The following PPME1 variants were observed in gnomAD, a reference collection of about 807,000 sequenced individuals.
PPME1 encodes testicular secretory protein Li 39.
A neutral mutation model predicts 56.9 loss-of-function variants in PPME1; 17 were observed. That is an observed-to-expected ratio of 0.30 (90% confidence interval 0.20 to 0.45). The LOEUF is 0.45. Ranked by LOEUF, PPME1 falls within the 20% of genes least tolerant of loss-of-function variation. PPME1 has a pLI of 1.00. For missense variants in PPME1, 357 were observed against 483.2 expected (o/e 0.74, Z 2.45); for synonymous variants, 122 against 156.2 (o/e 0.78, Z 1.63).
chr11:74,253,614 T>G lies in PPME1; in HGVS notation c.*104T>G. 7.8e-7 allele frequency: 1 copy of G among 1,280,262 alleles called. No individual in the cohort carries two copies. 79.3% of individuals were successfully genotyped at this position (1,280,262 alleles called of 1,614,324 possible). On this transcript the variant is annotated 3_prime_UTR_variant, in exon 14 of 14. Coordinates refer to ENST00000328257, the MANE Select transcript of PPME1 (RefSeq NM_016147.3). The stretch of plus-strand genomic sequence containing the variant: ...CTCCTCTCCATCCCGCCCAGCCATG[T>G]GACACTGGCTCCCGGTAGACGGGCA...
chr11:74,222,181 AC>A lies in PPME1; in HGVS notation c.289-130del. ...TCATCATTCTTTCATTTTGCTTAAAACTAGAAAGTCTTTTGATTCTCTTGGG... is the reference window on the plus strand; with the variant it reads ...TCATCATTCTTTCATTTTGCTTAAAATAGAAAGTCTTTTGATTCTCTTGGG... On this transcript the variant is annotated intron_variant, in intron 3 of 13. Coordinates refer to ENST00000328257, the MANE Select transcript of PPME1 (RefSeq NM_016147.3). 3 of 692,252 alleles carry A rather than the reference AC, an allele frequency of 4.3e-6. 1 individual carries two copies. Among genetic ancestry groups the A allele is most frequent in the South Asian group, 1.9e-5 (1 of 52,288 alleles). 42.9% of individuals were successfully genotyped at this position (692,252 alleles called of 1,614,324 possible).
chr11:74,195,543 C>T (rs373981336), intron 1 of PPME1, among the ~76,000 whole-genome samples: 8 of 152,118 alleles, frequency 5.3e-5, no homozygotes, highest in Non-Finnish European at 1.0e-4. Context: ...TTATTCTTTG[C>T]TTTTATAGAC....
intron 11 of PPME1, chr11:74,250,553 C>G (rs1284468685): frequency 6.2e-6 from 1 of 162,286 alleles, no homozygotes; most frequent in Non-Finnish European, 1.3e-5. Flanking sequence ...CTTCCTGGTT[C>G]CCTCTTGGAT....
At chr11:74,247,238 C>T in intron 11 of PPME1, 115 bp downstream of exon 11, 1 of 872,636 alleles carries the variant, frequency 1.1e-6, no homozygotes, top group Non-Finnish European at 1.8e-6. Context: ...TAGAGTCCGA[C>T]CCAAGTTGGA....
chr11:74,249,652 G>A (rs553110764), intron 11 of PPME1: 2 of 152,290 alleles, frequency 1.3e-5, no homozygotes, highest in East Asian at 3.9e-4. Context: ...GCCCTACCCT[G>A]TGTTAGGTCT....
intron 1 of PPME1, among the ~76,000 whole-genome samples, chr11:74,197,304 A>G (rs1248713385): frequency 1.3e-5 from 2 of 152,256 alleles, no homozygotes; most frequent in Admixed American, 1.3e-4. Context: ...GATATTAGTC[A>G]TTGATGTGTA....
chr11:74,203,849 T>C, intron 2 of PPME1, 28 bp downstream of exon 2: 1 of 1,488,220 alleles, frequency 6.7e-7, no homozygotes, highest in Non-Finnish European at 9.3e-7. Flanking sequence ...GCTTATTCTT[T>C]AGTGAGCTTA....
At position 74,230,002 on chromosome 11, in the gene PPME1, A is replaced by C. The variant is rs896296677; in HGVS notation, c.399-243A>C. On this transcript the variant is annotated intron_variant, in intron 5 of 13. Coordinates refer to ENST00000328257, the MANE Select transcript of PPME1 (RefSeq NM_016147.3). This position sits in a 1 kb window ranked among gnomAD's most constrained non-coding sequence, Gnocchi z 4.9. Reference sequence around the variant, plus strand: ...ACAGTGAAAGTGTGATGTAAAGGAAAATTCAGTAATTTGGGTTCTTAGTCC... The same window carrying C: ...ACAGTGAAAGTGTGATGTAAAGGAACATTCAGTAATTTGGGTTCTTAGTCC... Among the ~76,000 whole-genome samples, 5 of 152,232 alleles carry C rather than the reference A, an allele frequency of 3.3e-5. No individual in the cohort carries two copies. The highest frequency in any genetic ancestry group is 1.2e-4 in the African/African-American group (5 of 41,452).
intron 9 of PPME1, among the ~76,000 whole-genome samples, chr11:74,240,858 G>A (rs1859338716): frequency 6.6e-6 from 1 of 152,176 alleles, no homozygotes; most frequent in Admixed American, 6.5e-5. Context: ...TACCCATTAT[G>A]TGCTAAGCAC....
chr11:74,226,461 G>A (rs1858934423), intron 5 of PPME1, among the ~76,000 whole-genome samples: 1 of 152,212 alleles, frequency 6.6e-6, no homozygotes, highest in Non-Finnish European at 1.5e-5. Context: ...AGTATGAAAA[G>A]AGAGGTAAGA....
chr11:74,235,851 A>G, intron 7 of PPME1, 50 bp from the exon 8 acceptor site: 1 of 1,572,044 alleles, frequency 6.4e-7, no homozygotes, highest in Non-Finnish European at 8.6e-7. Context: ...CAATGATGTG[A>G]TACAATAGAT....
chr11:74,189,345 A>G (rs1333742535), intron 1 of PPME1, among the ~76,000 whole-genome samples: 2 of 152,186 alleles, frequency 1.3e-5, no homozygotes, highest in South Asian at 2.1e-4. Context: ...GCTGATGTGC[A>G]GTGGCGTGAT....
chr11:74,223,320 A>G (rs1166971895), intron 4 of PPME1, among the ~76,000 whole-genome samples: 1 of 150,916 alleles, frequency 6.6e-6, no homozygotes, highest in East Asian at 1.9e-4. Flanking sequence ...TATGTGCCAC[A>G]TTTTCTTAAT....
intron 13 of PPME1, among the ~76,000 whole-genome samples, chr11:74,253,135 T>G (rs976347610): frequency 3.6e-4 from 55 of 152,004 alleles, no homozygotes; most frequent in African/African-American, 1.3e-3. Flanking sequence ...CAGGGCAGGG[T>G]AAGCACTGGA....
In PPME1 at chr11:74,253,631, A is replaced by G; in HGVS notation, c.*121A>G. 1 of 1,139,480 alleles carries G rather than the reference A, an allele frequency of 8.8e-7. No homozygotes were observed. The highest frequency in any genetic ancestry group is 2.4e-5 in the East Asian group (1 of 42,416). The allele number at this position is 1,139,480 out of a possible 1,614,324, so 70.6% of individuals were successfully genotyped here. On this transcript the variant is annotated 3_prime_UTR_variant, in exon 14 of 14. Transcript: ENST00000328257. ...CAGCCATGTGACACTGGCTCCCGGT[A>G]GACGGGCACCCCGAGATGTACCAAC...
intron 8 of PPME1, 122 bp from the exon 9 acceptor site, chr11:74,239,011 A>G (rs1565394316): frequency 1.0e-6 from 1 of 962,686 alleles, no homozygotes; most frequent in Non-Finnish European, 1.5e-6. Flanking sequence ...CTATCCTCCT[A>G]CCAGGATGAT....
intron 7 of PPME1, 144 bp downstream of exon 7, chr11:74,231,146 C>G: frequency 1.5e-6 from 1 of 669,152 alleles, no homozygotes; most frequent in Non-Finnish European, 2.5e-6. Context: ...CAACCTTGAA[C>G]TCCTAGGTTC....
rs1859770318 is a variant in PPME1 at position 74,253,963 on chromosome 11, C to G, written c.*453C>G. On this transcript the variant is annotated 3_prime_UTR_variant, in exon 14 of 14. Coordinates refer to ENST00000328257, the MANE Select transcript of PPME1 (RefSeq NM_016147.3). Reference sequence around the variant, plus strand: ...TGCATGGGGTGGTCTTTATTTTTCCCTTTCAAATAAAACACTAGTCAGGTA... The same window carrying G: ...TGCATGGGGTGGTCTTTATTTTTCCGTTTCAAATAAAACACTAGTCAGGTA... 1 of 184,766 alleles carries G rather than the reference C, an allele frequency of 5.4e-6. No homozygotes were observed. The highest frequency in any genetic ancestry group is 1.7e-4 in the South Asian group (1 of 5,912). 11.4% of individuals were successfully genotyped at this position (184,766 alleles called of 1,614,324 possible).
intron 3 of PPME1, among the ~76,000 whole-genome samples, chr11:74,214,339 C>T (rs1330450804): frequency 1.3e-5 from 2 of 151,916 alleles, no homozygotes; most frequent in Non-Finnish European, 2.9e-5. Flanking sequence ...TAGAAAATAG[C>T]CTCAAAAGGG....
Sources: gnomAD v4.1 joint callset for allele counts (sites outside exome capture counted in the v4.1 genomes callset) on GRCh38, gnomAD v4.1.1 for gene constraint, Gnocchi (gnomAD v3.1) non-coding constraint, MANE v1.5 for transcripts, NCBI Gene and HGNC (gene_info 2026-07-23, HGNC 2026-07-21) for gene names.